VPS39: variants seen among roughly 807,000 people sequenced by gnomAD.
VPS39 encodes vam6/Vps39-like protein.
Under a neutral mutation model 121.0 loss-of-function variants are expected in VPS39, and 70 were observed. The observed-to-expected ratio is 0.58, with a 90% confidence interval of 0.48 to 0.71. The LOEUF (loss-of-function observed/expected upper bound fraction) is 0.71, where lower values mean the gene tolerates loss of function less well. Ranked by LOEUF, VPS39 falls within the 30% of genes least tolerant of loss-of-function variation. The pLI is 0.00. For synonymous variants in VPS39, 378 were observed against 398.1 expected (o/e 0.95, Z 0.60); for missense variants, 818 against 1,051.5 (o/e 0.78, Z 3.07).
At chr15:42,206,466 G>C (rs1252968145) in intron 1 of VPS39, among the ~76,000 whole-genome samples, 1 of 152,172 alleles carries the variant, frequency 6.6e-6, no homozygotes, top group Non-Finnish European at 1.5e-5. Context: ...TTTCAAAACT[G>C]TGTTCCTGAA....
intron 7 of VPS39, among the ~76,000 whole-genome samples, chr15:42,186,784 T>G (rs1272691393): frequency 6.6e-6 from 1 of 152,244 alleles, no homozygotes; most frequent in Admixed American, 6.5e-5. Flanking sequence ...TCTCCTTATC[T>G]ATATTTTCTG....
chr15:42,164,966 G>A, intron 18 of VPS39, 30 bp downstream of exon 18: 1 of 1,613,778 alleles, frequency 6.2e-7, no homozygotes, highest in Non-Finnish European at 8.5e-7. Flanking sequence ...TAAGGCCTGG[G>A]GCCAACCGGC....
chr15:42,207,395 A>G (rs1243904836), intron 1 of VPS39, among the ~76,000 whole-genome samples: 1 of 152,172 alleles, frequency 6.6e-6, no homozygotes, highest in Non-Finnish European at 1.5e-5. Flanking sequence ...TGTATTTCAG[A>G]GCACACAAGA....
chr15:42,191,642 C>T (rs1566906778), intron 2 of VPS39, 82 bp from the exon 3 acceptor site: 7 of 1,177,204 alleles, frequency 5.9e-6, no homozygotes, highest in Non-Finnish European at 4.9e-6. Context: ...CTGCTCCATA[C>T]TGCTCTCCTA....
rs74553549 is a variant in VPS39, at chr15:42,192,354, T to C, written c.140-794A>G. Among the ~76,000 whole-genome samples, 95 of 152,354 alleles carry C rather than the reference T, an allele frequency of 6.2e-4. 2 individuals carry two copies. In the East Asian group the frequency reaches 0.017, roughly 27 times the overall value. On this transcript the variant is annotated intron_variant, in intron 2 of 24. Coordinates refer to ENST00000318006, the MANE Select transcript of VPS39 (RefSeq NM_015289.5). Reference sequence around the variant, plus strand: ...AGGTATTATTATTCCAAGCTCATATTTGAGGGGCATGAGGGGTAAAGCAGT... The same window carrying C: ...AGGTATTATTATTCCAAGCTCATATCTGAGGGGCATGAGGGGTAAAGCAGT...
At chr15:42,167,691 GACA>G (rs1162775983) in intron 12 of VPS39, among the ~76,000 whole-genome samples, 154 bp from the exon 13 acceptor site, 8 of 152,214 alleles carry the variant, frequency 5.3e-5, no homozygotes, top group South Asian at 2.1e-4. Flanking sequence ...TTGCCACAGA[GACA>G]ACAACAATTA....
intron 10 of VPS39, among the ~76,000 whole-genome samples, chr15:42,176,238 T>C (rs2049448726): frequency 6.6e-6 from 1 of 152,168 alleles, no homozygotes; most frequent in African/African-American, 2.4e-5. Flanking sequence ...ACCTTTCTGC[T>C]AAGAAAAATA....
At chr15:42,191,652 A>G in intron 2 of VPS39, 92 bp from the exon 3 acceptor site, 1 of 1,101,410 alleles carries the variant, frequency 9.1e-7, no homozygotes, top group South Asian at 1.4e-5. Context: ...CTGCTCTCCT[A>G]TATAAATCTT....
chr15:42,165,594 A>AT, intron 17 of VPS39, 124 bp downstream of exon 17: 1 of 733,244 alleles, frequency 1.4e-6, no homozygotes, highest in African/African-American at 1.8e-5. Context: ...GGAAGCTGAA[A>AT]TAACCCTCAT....
chr15:42,175,386 G>A (rs138720806), intron 10 of VPS39, among the ~76,000 whole-genome samples: 10 of 146,758 alleles, frequency 6.8e-5, no homozygotes, highest in South Asian at 2.2e-4. Context: ...CCAGCCTGGC[G>A]ATAGAGGAAG....
chr15:42,162,773 C>T (rs1435368149), intron 21 of VPS39: 1 of 278,914 alleles, frequency 3.6e-6, no homozygotes, highest in East Asian at 6.8e-5. Context: ...TTCCTCATTT[C>T]CTTTGGCTTT....
At chr15:42,208,020 A>C in intron 1 of VPS39, 61 bp downstream of exon 1, 3 of 1,535,938 alleles carry the variant, frequency 2.0e-6, no homozygotes, top group Non-Finnish European at 2.6e-6. Flanking sequence ...CCCCGGCCTC[A>C]GAAAAGATCC....
intron 18 of VPS39, 35 bp downstream of exon 18, chr15:42,164,961 C>T (rs1359834049): frequency 6.2e-7 from 1 of 1,613,440 alleles, no homozygotes; most frequent in African/African-American, 1.3e-5. Flanking sequence ...TCCTCTAAGG[C>T]CTGGGGCCAA....
rs78539877 is a variant in VPS39 at position 42,198,458 on chromosome 15, C to T, written c.139+1438G>A. 2.0e-5 allele frequency among the ~76,000 whole-genome samples: 3 copies of T among 152,270 alleles called. No individual in the cohort carries two copies. In the East Asian group the frequency reaches 5.8e-4, roughly 29 times the overall value. ...CTCAACCTCCTGGGCTCAAGCGATC[C>T]TCTCACCTCAGCCTCCAGAGCAGCT... On this transcript the variant is annotated intron_variant, in intron 2 of 24. Transcript: ENST00000318006.
chr15:42,201,168 C>CA (rs1323976992), intron 1 of VPS39, among the ~76,000 whole-genome samples: 53 of 128,402 alleles, frequency 4.1e-4, no homozygotes, highest in African/African-American at 2.2e-3. Flanking sequence ...TTTAATTGTA[C>CA]ACTTTTTTTT....
intron 1 of VPS39, among the ~76,000 whole-genome samples, chr15:42,202,316 C>T (rs749716439): frequency 6.6e-6 from 1 of 152,058 alleles, no homozygotes; most frequent in South Asian, 2.1e-4. Flanking sequence ...AAAGGAAAGG[C>T]AGGTCACACA....
rs1464476059 is a variant in VPS39 at position 42,192,295 on chromosome 15, T to C, written c.140-735A>G. On this transcript the variant is annotated intron_variant, in intron 2 of 24. Transcript: ENST00000318006. ...CGGGGTTTAAAAATTTATATATATT[T>C]TTTTCTGTAAACTCACAACTACTCC... Among the ~76,000 whole-genome samples the C allele has an allele frequency of 2.0e-5, 3 of 152,140 alleles. No homozygotes were observed. In the East Asian group the frequency reaches 5.8e-4, roughly 29 times the overall value.
chr15:42,183,616 A>T lies in VPS39; in HGVS notation c.718+901T>A, dbSNP rs75357134. On this transcript the variant is annotated intron_variant, in intron 8 of 24. Coordinates refer to ENST00000318006, the MANE Select transcript of VPS39 (RefSeq NM_015289.5). ...GGCTTTCTGCCTAGATTGAATGGAA[A>T]TTTTTCTTCAAGCCAGGTTCCAAAC... Among the ~76,000 whole-genome samples the T allele has an allele frequency of 7.2e-3, 1,096 of 152,148 alleles. 11 individuals carry two copies. The highest frequency in any genetic ancestry group is 0.026 in the African/African-American group (1,060 of 41,484).
rs370330377 is a variant in VPS39 at position 42,169,878 on chromosome 15, G to C, written c.1091-12C>G. ...CACATGGGTGGGATCTATATGGAAGGTAAACATGATTCCTCTGGAAAGGAG... is the reference window on the plus strand; with the variant it reads ...CACATGGGTGGGATCTATATGGAAGCTAAACATGATTCCTCTGGAAAGGAG... On this transcript the variant is annotated splice_polypyrimidine_tract_variant and intron_variant, in intron 11 of 24. Transcript: ENST00000318006. The C allele has an allele frequency of 1.3e-6, 2 of 1,595,474 alleles. No individual in the cohort carries two copies. The highest frequency in any genetic ancestry group is 2.7e-5 in the African/African-American group (2 of 74,272).
Sources: allele counts gnomAD v4.1 joint callset (sites outside exome capture counted in the v4.1 genomes callset), GRCh38; gene constraint gnomAD v4.1.1; transcripts MANE v1.5; gene names NCBI Gene and HGNC (gene_info 2026-07-23, HGNC 2026-07-21).